AK5: variants seen among roughly 807,000 people sequenced by gnomAD.
AK5 encodes the protein adenylate kinase 5, also known as adenylate kinase isoenzyme 5.
Under a neutral mutation model 69.5 loss-of-function variants are expected in AK5, and 27 were observed. That is an observed-to-expected ratio of 0.39 (90% confidence interval 0.29 to 0.54). The LOEUF (loss-of-function observed/expected upper bound fraction) is 0.54. AK5 is among the 20% of genes least tolerant of loss of function. The pLI, the probability that AK5 is intolerant of heterozygous loss-of-function variation, is 0.71. For synonymous variants in AK5, 260 were observed against 244.4 expected (o/e 1.06, Z -0.60); for missense variants, 531 against 700.4 (o/e 0.76, Z 2.73).
At chr1:77,457,566 C>T (rs1179680814) in intron 8 of AK5, among the ~76,000 whole-genome samples, 1 of 152,058 alleles carries the variant, frequency 6.6e-6, no homozygotes, top group Non-Finnish European at 1.5e-5. Flanking sequence ...TTTAACTGTT[C>T]CTTTTTCAAA....
chr1:77,527,196 T>C (rs1016164387), intron 12 of AK5, among the ~76,000 whole-genome samples: 1 of 152,220 alleles, frequency 6.6e-6, no homozygotes, highest in African/African-American at 2.4e-5. Flanking sequence ...TAAAAGTTTA[T>C]AAAATATTAT....
At chr1:77,411,985 C>A (rs1650076419) in intron 7 of AK5, among the ~76,000 whole-genome samples, 1 of 152,160 alleles carries the variant, frequency 6.6e-6, no homozygotes, top group South Asian at 2.1e-4. Flanking sequence ...TATTGAGAAT[C>A]ATTTAAGATT....
chr1:77,364,534 A>C (rs1646918064), intron 6 of AK5, among the ~76,000 whole-genome samples: 1 of 151,320 alleles, frequency 6.6e-6, no homozygotes, highest in Non-Finnish European at 1.5e-5. Flanking sequence ...CCTTCCCCCT[A>C]CTCTTCCTGG....
At chr1:77,469,316 A>G (rs1654324299) in intron 8 of AK5, among the ~76,000 whole-genome samples, 1 of 152,194 alleles carries the variant, frequency 6.6e-6, no homozygotes, top group African/African-American at 2.4e-5. Context: ...TGTAGATTTG[A>G]TTAACATCTA....
intron 8 of AK5, among the ~76,000 whole-genome samples, chr1:77,479,730 A>T (rs945364697): frequency 5.9e-5 from 9 of 152,204 alleles, no homozygotes; most frequent in African/African-American, 2.2e-4. Context: ...ATACTATGGA[A>T]AGTCACCTAT....
intron 6 of AK5, among the ~76,000 whole-genome samples, chr1:77,378,330 A>AT (rs542519471): frequency 7.3e-4 from 109 of 149,802 alleles, no homozygotes; most frequent in Non-Finnish European, 1.1e-3. Context: ...GTATAATAGT[A>AT]TTTTTTTTTT....
At chr1:77,315,457 T>C (rs1443910903) in intron 5 of AK5, among the ~76,000 whole-genome samples, 1 of 152,128 alleles carries the variant, frequency 6.6e-6, no homozygotes, top group East Asian at 1.9e-4. Flanking sequence ...TATTTTAGTA[T>C]AAAAATGATT....
intron 8 of AK5, among the ~76,000 whole-genome samples, chr1:77,432,372 G>T (rs1651700278): frequency 6.6e-6 from 1 of 152,170 alleles, no homozygotes; most frequent in South Asian, 2.1e-4. Context: ...CTCAGGCTAA[G>T]TCTACCTGGA....
At chr1:77,470,848 TATATATATA>T (rs1654429258) in intron 8 of AK5, among the ~76,000 whole-genome samples, 7 of 12,840 alleles carry the variant, frequency 5.5e-4, no homozygotes, top group South Asian at 1.9e-3. Flanking sequence ...TATATATATA[TATATATATA>T]TATATATATA....
Position 77,340,557 on chromosome 1 carries a change from C to T in AK5, c.880C>T (p.Leu294Phe). The T allele has an allele frequency of 6.2e-7, 1 of 1,613,608 alleles. No individual in the cohort carries two copies. Among genetic ancestry groups the T allele is most frequent in the South Asian group, 1.1e-5 (1 of 91,008 alleles). Residue 294 changes from leucine to phenylalanine, a missense_variant, in exon 6 of 14, where the codon CTC becomes TTC. Coordinates refer to ENST00000354567, the MANE Select transcript of AK5 (RefSeq NM_174858.3). Reference sequence around the variant, plus strand: ...GGTTAAATACTTCCAGGAAAAGGGGCTCATCATGACAGTAAGTTAGCTCGA... The same window carrying T: ...GGTTAAATACTTCCAGGAAAAGGGGTTCATCATGACAGTAAGTTAGCTCGA... ...PLVKYFQEKG[L>F]IMTFDADRDE...
intron 6 of AK5, among the ~76,000 whole-genome samples, chr1:77,409,691 G>A (rs757493181): frequency 6.6e-6 from 1 of 152,194 alleles, no homozygotes; most frequent in African/African-American, 2.4e-5. Context: ...TCTGTAGGTT[G>A]TCTGTTTACT....
chr1:77,509,451 G>C (rs1657215272), intron 10 of AK5, among the ~76,000 whole-genome samples: 1 of 152,154 alleles, frequency 6.6e-6, no homozygotes, highest in South Asian at 2.1e-4. Flanking sequence ...CTTCCCAGAT[G>C]GAGAAGGTTT....
chr1:77,446,220 G>GGTGCC (rs1570146562), intron 8 of AK5, among the ~76,000 whole-genome samples: 1 of 152,046 alleles, frequency 6.6e-6, no homozygotes, highest in Non-Finnish European at 1.5e-5. Context: ...TGGTGCCCTT[G>GGTGCC]CTGAAAATTG....
At chr1:77,454,142 A>G (rs1053511573) in intron 8 of AK5, among the ~76,000 whole-genome samples, 1 of 152,166 alleles carries the variant, frequency 6.6e-6, no homozygotes, top group African/African-American at 2.4e-5. Context: ...GACCGGATGG[A>G]CCACAGGACA....
At chr1:77,469,100 A>AG (rs1463842067) in intron 8 of AK5, among the ~76,000 whole-genome samples, 1 of 152,212 alleles carries the variant, frequency 6.6e-6, no homozygotes, top group African/African-American at 2.4e-5. Flanking sequence ...ATGGCTTAAA[A>AG]CAACATCCAT....
At chr1:77,363,183 C>G (rs1294582936) in intron 6 of AK5, among the ~76,000 whole-genome samples, 1 of 152,176 alleles carries the variant, frequency 6.6e-6, no homozygotes, top group African/African-American at 2.4e-5. Context: ...ACATACAACC[C>G]TATGCTACTA....
At chr1:77,310,628 G>T (rs935738334) in intron 5 of AK5, among the ~76,000 whole-genome samples, 1 of 151,986 alleles carries the variant, frequency 6.6e-6, no homozygotes, top group Non-Finnish European at 1.5e-5. Context: ...TGATCCACCC[G>T]CCTCGGCCTC....
At chr1:77,522,565 C>A (rs190910832) in intron 12 of AK5, among the ~76,000 whole-genome samples, 5 of 152,288 alleles carry the variant, frequency 3.3e-5, no homozygotes, top group Admixed American at 6.5e-5. Flanking sequence ...AGAATCAGAA[C>A]TACACACCAC....
At chr1:77,440,063 C>A (rs2100633474) in intron 8 of AK5, among the ~76,000 whole-genome samples, 1 of 152,052 alleles carries the variant, frequency 6.6e-6, no homozygotes, top group African/African-American at 2.4e-5. Flanking sequence ...TGTATCTATT[C>A]CACCAGTGAG....
Sources: allele counts gnomAD v4.1 joint callset (sites outside exome capture counted in the v4.1 genomes callset), GRCh38; gene constraint gnomAD v4.1.1; transcripts MANE v1.5; gene names NCBI Gene and HGNC (gene_info 2026-07-23, HGNC 2026-07-21).